Variants in NLN observed in about 807,000 individuals in gnomAD.
The protein encoded by NLN is neurolysin, mitochondrial.
Under a neutral mutation model 79.9 loss-of-function variants are expected in NLN, and 64 were observed. The ratio of observed to expected loss-of-function variants is 0.80; its 90% CI spans 0.65 to 0.99. The LOEUF is 0.99. NLN is among the 50% of genes least tolerant of loss of function. The pLI is 0.00. For missense variants in NLN, 835 were observed against 858.7 expected, an observed-to-expected ratio of 0.97 and a Z score of 0.34; for synonymous variants, 267 against 296.6, an observed-to-expected ratio of 0.90 and a Z score of 1.02.
Position 65,788,065 on chromosome 5 carries a change from G to C in NLN, c.959-53G>C, listed in dbSNP as rs935904922. On this transcript the variant is annotated intron_variant, in intron 7 of 12. Coordinates refer to ENST00000380985, the MANE Select transcript of NLN (RefSeq NM_020726.5). ...GCTAAAACACAGGTGGTATTTATGAGTATGCTTGCTTCCAAAAGCAAGTAG... is the reference window on the plus strand; with the variant it reads ...GCTAAAACACAGGTGGTATTTATGACTATGCTTGCTTCCAAAAGCAAGTAG... 5 of 1,561,666 alleles carry C rather than the reference G, an allele frequency of 3.2e-6. No homozygotes were observed. In the African/African-American group the frequency reaches 4.1e-5, roughly 13 times the overall value.
intron 3 of NLN, among the ~76,000 whole-genome samples, chr5:65,774,186 AG>A (rs1193909620): frequency 2.6e-5 from 4 of 151,986 alleles, no homozygotes; most frequent in Non-Finnish European, 5.9e-5. Flanking sequence ...ACAGGGAGAG[AG>A]AATACACATT....
At chr5:65,727,906 A>G (rs1758513470) in intron 1 of NLN, among the ~76,000 whole-genome samples, 1 of 152,090 alleles carries the variant, frequency 6.6e-6, no homozygotes, top group Non-Finnish European at 1.5e-5. Context: ...GGCTGGGATT[A>G]CAGGTCCCCA....
intron 3 of NLN, among the ~76,000 whole-genome samples, chr5:65,765,132 C>T (rs974028084): frequency 3.0e-4 from 45 of 152,202 alleles, no homozygotes; most frequent in Non-Finnish European, 4.1e-4. Context: ...CCTGTAATCC[C>T]AGCACTTTGT....
chr5:65,753,658 A>G (rs1759152227), intron 1 of NLN, among the ~76,000 whole-genome samples: 1 of 152,050 alleles, frequency 6.6e-6, no homozygotes, highest in Non-Finnish European at 1.5e-5. Context: ...TCCAAAAAAA[A>G]AAAAAAACCT....
At chr5:65,774,005 G>T (rs1044422423) in intron 3 of NLN, among the ~76,000 whole-genome samples, 3 of 150,188 alleles carry the variant, frequency 2.0e-5, no homozygotes, top group African/African-American at 7.3e-5. Flanking sequence ...ATTAAGGATG[G>T]TAATACAGTA....
Position 65,822,776 on chromosome 5 carries a change from A to T in NLN, c.1981-5A>T. ...ATTATTAGGTATGATGTTTTATTTT[A>T]TTAGGTTGGAATGAAATACAGAAAC... is the stretch of plus-strand genomic sequence containing the variant. On this transcript the variant is annotated splice_region_variant and splice_polypyrimidine_tract_variant and intron_variant, in intron 12 of 12. Coordinates refer to ENST00000380985, the MANE Select transcript of NLN (RefSeq NM_020726.5). 6.2e-7 allele frequency: 1 copy of T among 1,607,194 alleles called. No homozygotes were observed. Among genetic ancestry groups the T allele is most frequent in the Non-Finnish European group, 8.5e-7 (1 of 1,173,682 alleles).
intron 3 of NLN, among the ~76,000 whole-genome samples, chr5:65,774,727 ATAT>A (rs1373201535): frequency 7.1e-5 from 7 of 98,490 alleles, no homozygotes; most frequent in African/African-American, 2.4e-4. Context: ...ATATATATAT[ATAT>A]TTTTTTTTTT....
chr5:65,816,011 C>T (rs145321225), intron 12 of NLN, among the ~76,000 whole-genome samples: 2 of 151,814 alleles, frequency 1.3e-5, no homozygotes, highest in Non-Finnish European at 1.5e-5. Flanking sequence ...TACTTTAGAG[C>T]GAACATTTAT....
Position 65,788,364 on chromosome 5 carries a change from G to A in NLN, c.1205G>A (p.Gly402Glu). 1 of 1,614,164 alleles carries A rather than the reference G, an allele frequency of 6.2e-7. No homozygotes were observed. The change falls in exon 8 of 13, where the codon GGA becomes GAA. Residue 402 changes from glycine to glutamate, a missense_variant. Gly to Glu is a moderately conservative substitution (Grantham distance 98). Transcript: ENST00000380985. Reference sequence around the variant, plus strand: ...CTGAACACCTACCAGGAGTTGTTGGGACTTTCATTTGAACAAATGACAGAT... The same window carrying A: ...CTGAACACCTACCAGGAGTTGTTGGAACTTTCATTTGAACAAATGACAGAT... The part of the protein sequence containing the change: ...GLLNTYQELL[G>E]LSFEQMTDAH...
intron 1 of NLN, among the ~76,000 whole-genome samples, chr5:65,740,094 C>G (rs902681818): frequency 1.6e-4 from 24 of 152,110 alleles, no homozygotes; most frequent in African/African-American, 5.6e-4. Flanking sequence ...GAGCTTTTCC[C>G]ATATATTTTC....
intron 3 of NLN, among the ~76,000 whole-genome samples, chr5:65,773,934 C>G (rs928676453): frequency 1.3e-5 from 2 of 151,796 alleles, no homozygotes; most frequent in Non-Finnish European, 2.9e-5. Flanking sequence ...CAGAGTGAGA[C>G]CCTGTCTCAA....
At chr5:65,813,539 T>C (rs1760601549) in intron 12 of NLN, among the ~76,000 whole-genome samples, 1 of 152,134 alleles carries the variant, frequency 6.6e-6, no homozygotes, top group Non-Finnish European at 1.5e-5. Flanking sequence ...GTGTTCTCTG[T>C]GGTCCAACTC....
Position 65,810,144 on chromosome 5 carries a change from T to C in NLN, c.1822T>C (p.Leu608=). The change falls in exon 11 of 13, where the codon TTA becomes CTA. Residue 608 remains leucine (L), a synonymous_variant. Coordinates refer to ENST00000380985, the MANE Select transcript of NLN (RefSeq NM_020726.5). ...SEYAKYCSEI[L]GVAATPGTNM... is the part of the protein sequence containing the mutation. ...ATATGCCAAATACTGCTCAGAAATA[T>C]TAGGAGTTGCAGCTACTCCAGGTAT... The C allele has an allele frequency of 1.2e-6, 2 of 1,613,922 alleles. No homozygotes were observed. Among genetic ancestry groups the C allele is most frequent in the Non-Finnish European group, 1.7e-6 (2 of 1,179,786 alleles).
At position 65,827,073 on chromosome 5, in the gene NLN, G is replaced by A. The variant is rs1455837963; in HGVS notation, c.*4158G>A. 2 of 151,506 alleles carry A rather than the reference G, an allele frequency of 1.3e-5. No homozygotes were observed. The highest frequency in any genetic ancestry group is 2.9e-5 in the Non-Finnish European group (2 of 67,932). 9.4% of individuals were successfully genotyped at this position (151,506 alleles called of 1,614,324 possible). A position where few individuals can be genotyped will look rare whatever the true frequency, so the allele number is the denominator to read the frequency against. On this transcript the variant is annotated 3_prime_UTR_variant, in exon 13 of 13. Transcript: ENST00000380985. ...AGTATCAGCTGTATCAAGGCAAAAG[G>A]TAAAGGTTATAAGATGTAAATATTA...
At chr5:65,797,610 A>G (rs756578552) in intron 9 of NLN, among the ~76,000 whole-genome samples, 2 of 152,194 alleles carry the variant, frequency 1.3e-5, no homozygotes, top group Non-Finnish European at 2.9e-5. Flanking sequence ...GGACAACAGC[A>G]ATTCTATGTA....
At chr5:65,816,227 T>C (rs981931754) in intron 12 of NLN, among the ~76,000 whole-genome samples, 2 of 151,980 alleles carry the variant, frequency 1.3e-5, no homozygotes, top group African/African-American at 4.8e-5. Context: ...ATGTCCTTTG[T>C]AGGGACATGG....
intron 1 of NLN, among the ~76,000 whole-genome samples, chr5:65,732,429 G>T (rs1758631213): frequency 7.1e-6 from 1 of 141,256 alleles, no homozygotes; most frequent in African/African-American, 2.7e-5. Flanking sequence ...AGGAGAGTAT[G>T]AAAGAAGGGA....
Position 65,809,573 on chromosome 5 carries a change from C to T in NLN, c.1586C>T (p.Ser529Leu), listed in dbSNP as rs774658110. 3.5e-5 allele frequency: 56 copies of T among 1,613,498 alleles called. 1 individual carries two copies. Among genetic ancestry groups the T allele is most frequent in the South Asian group, 3.2e-4 (29 of 90,902 alleles). ...NVETDFVEVP[S>L]QMLENWVWDV... is the part of the protein sequence containing the mutation. ...GAAACTGACTTTGTAGAGGTGCCAT[C>T]GCAAATGCTTGAAAATTGGGTGTGG... The change falls in exon 10 of 13, where the codon TCG (serine) becomes TTG (leucine). Residue 529 changes from serine to leucine, a missense_variant. By Grantham distance (145) the Ser-to-Leu change is moderately radical. Transcript: ENST00000380985.
At chr5:65,790,065 C>T (rs1216539848) in intron 8 of NLN, among the ~76,000 whole-genome samples, 1 of 152,170 alleles carries the variant, frequency 6.6e-6, no homozygotes, top group East Asian at 1.9e-4. Context: ...GTGTCTATAG[C>T]ATGTAATAAC....
Sources: allele counts gnomAD v4.1 joint callset (sites outside exome capture counted in the v4.1 genomes callset), GRCh38; gene constraint gnomAD v4.1.1; transcripts MANE v1.5; gene names NCBI Gene and HGNC (gene_info 2026-07-23, HGNC 2026-07-21).